The following PPP1R21 variants were observed in gnomAD, a reference collection of about 807,000 sequenced individuals.
PPP1R21 encodes KLRAQ motif containing 1.
PPP1R21 carries 85 observed loss-of-function variants against 112.8 expected under a neutral mutation model. That is an observed-to-expected ratio of 0.75 (90% CI 0.63 to 0.90). The LOEUF is 0.90. Among genes scored for constraint, PPP1R21 ranks in the 40% least tolerant of loss-of-function variants. PPP1R21 has a pLI of 0.00. For missense variants in PPP1R21, 1,199 were observed against 901.5 expected (o/e 1.33, Z -4.23); for synonymous variants, 381 against 322.3 (o/e 1.18, Z -1.95).
chr2:48,471,500 C>G (rs921415969), intron 11 of PPP1R21, 133 bp downstream of exon 11: 2 of 856,300 alleles, frequency 2.3e-6, no homozygotes, highest in Non-Finnish European at 3.5e-6. Context: ...TTTGGACTTC[C>G]GTGAAAAAGG....
At chr2:48,499,165 C>G (rs999827041) in intron 17 of PPP1R21, among the ~76,000 whole-genome samples, 8 of 151,962 alleles carry the variant, frequency 5.3e-5, no homozygotes, top group African/African-American at 1.7e-4. Context: ...GCCACAGTAA[C>G]CATCTTAATT....
chr2:48,473,462 G>A (rs917817392), intron 11 of PPP1R21, among the ~76,000 whole-genome samples: 1 of 152,092 alleles, frequency 6.6e-6, no homozygotes, highest in African/African-American at 2.4e-5. Flanking sequence ...ATTATGTTTT[G>A]TAAAACACTG....
At chr2:48,450,082 T>G (rs1404328240) in intron 1 of PPP1R21, among the ~76,000 whole-genome samples, 1 of 152,188 alleles carries the variant, frequency 6.6e-6, no homozygotes, top group Middle Eastern at 3.2e-3. Flanking sequence ...TAGCGTTATT[T>G]CTCAGTATTT....
intron 14 of PPP1R21, among the ~76,000 whole-genome samples, chr2:48,488,850 T>C (rs1669429805): frequency 6.6e-6 from 1 of 152,202 alleles, no homozygotes; most frequent in Non-Finnish European, 1.5e-5. Context: ...AGTAGGAAAG[T>C]GTAGTATATT....
chr2:48,502,050 T>G (rs1670142234), intron 17 of PPP1R21: 1 of 152,210 alleles, frequency 6.6e-6, no homozygotes, highest in Admixed American at 6.5e-5. Flanking sequence ...GAGTTGTTAA[T>G]GTCAGTTGCT....
In PPP1R21 at chr2:48,510,004, T is replaced by G. The variant is rs756732692; in HGVS notation, c.2086-11T>G. The G allele has an allele frequency of 1.9e-6, 3 of 1,576,540 alleles. No homozygotes were observed. Among genetic ancestry groups the G allele is most frequent in the African/African-American group, 2.7e-5 (2 of 73,416 alleles). ...CTCCCTCTAGTAATGGAATGTTTTC[T>G]GATTTTACAGTGCCGAGCACTGTCT... On this transcript the variant is annotated splice_polypyrimidine_tract_variant and intron_variant, in intron 19 of 21. Transcript: ENST00000294952.
rs757498706 is a variant in PPP1R21 at position 48,458,178 on chromosome 2, A to G, written c.326A>G (p.Asp109Gly). 1.7e-5 allele frequency: 27 copies of G among 1,612,618 alleles called. No homozygotes were observed. In the South Asian group the frequency reaches 2.3e-4, roughly 14 times the overall value. ...AGTCAAGAGCAGAAGAGTGTCTTTG[A>G]TGAAGATCTGCAAAAGAAGATAGAA... ...QLSQEQKSVF[D>G]EDLQKKIEEN... is the part of the protein sequence containing the mutation. Residue 109 changes from aspartate to glycine, a missense_variant, in exon 4 of 22, where the codon GAT becomes GGT. Asp to Gly is a moderately conservative substitution (Grantham distance 94). Coordinates refer to ENST00000294952, the MANE Select transcript of PPP1R21 (RefSeq NM_001135629.3).
chr2:48,470,979 T>G, intron 9 of PPP1R21, 108 bp from the exon 10 acceptor site: 1 of 746,886 alleles, frequency 1.3e-6, no homozygotes, highest in South Asian at 1.8e-5. Flanking sequence ...CAGTGAGCCA[T>G]TATCAGGTTT....
At chr2:48,514,162 T>A (rs948986584) in intron 21 of PPP1R21, among the ~76,000 whole-genome samples, 1 of 135,764 alleles carries the variant, frequency 7.4e-6, no homozygotes, top group Non-Finnish European at 1.5e-5. Context: ...CTTGGCTCAC[T>A]GCAAGCTCCG....
chr2:48,481,263 A>AGG (rs767560270), intron 13 of PPP1R21, among the ~76,000 whole-genome samples: 3 of 152,254 alleles, frequency 2.0e-5, no homozygotes, highest in Non-Finnish European at 4.4e-5. Flanking sequence ...TGCTGGGACT[A>AGG]CAGGCGTGAG....
At chr2:48,513,775 A>G (rs528547230) in intron 21 of PPP1R21, among the ~76,000 whole-genome samples, 225 of 152,302 alleles carry the variant, frequency 1.5e-3, no homozygotes, top group African/African-American at 5.1e-3. Flanking sequence ...CATTTCTTCC[A>G]TGAAGAAAAT....
chr2:48,485,894 AATATAT>A (rs1669265899), intron 13 of PPP1R21, among the ~76,000 whole-genome samples: 1 of 146,554 alleles, frequency 6.8e-6, no homozygotes, highest in Non-Finnish European at 1.5e-5. Flanking sequence ...TATACTAACT[AATATAT>A]ACAATTGTAT....
At chr2:48,495,545 TAAAG>T in intron 15 of PPP1R21, 130 bp from the exon 16 acceptor site, 2 of 594,570 alleles carry the variant, frequency 3.4e-6, no homozygotes. Context: ...TCACGTGTAT[TAAAG>T]AAAATAGTCT....
intron 3 of PPP1R21, among the ~76,000 whole-genome samples, chr2:48,456,210 T>C (rs1558430777): frequency 6.6e-6 from 1 of 151,954 alleles, no homozygotes; most frequent in Non-Finnish European, 1.5e-5. Flanking sequence ...CTAAGGTGGA[T>C]AATCTGGTAC....
At chr2:48,474,467 C>T (rs1162047138) in intron 11 of PPP1R21, among the ~76,000 whole-genome samples, 2 of 152,162 alleles carry the variant, frequency 1.3e-5, no homozygotes, top group Non-Finnish European at 2.9e-5. Flanking sequence ...ATGCCTTTAT[C>T]TGTTATTCCA....
Position 48,498,581 on chromosome 2 carries a change from A to G in PPP1R21, c.1781A>G (p.Glu594Gly). ...LEAQLAKIKL[E>G]KENQRIADKL... ...GCACAATTAGCCAAAATCAAGCTAG[A>G]GAAAGAAAACCAGCGAATTGCAGAT... Residue 594 changes from glutamate (E) to glycine (G), a missense_variant, in exon 17 of 22, where the codon GAG (glutamate) becomes GGG (glycine). Coordinates refer to ENST00000294952, the MANE Select transcript of PPP1R21 (RefSeq NM_001135629.3). 6.2e-7 allele frequency: 1 copy of G among 1,614,238 alleles called. No homozygotes were observed. The highest frequency in any genetic ancestry group is 8.5e-7 in the Non-Finnish European group (1 of 1,180,040).
At chr2:48,450,009 A>G (rs553082732) in intron 1 of PPP1R21, among the ~76,000 whole-genome samples, 1 of 152,222 alleles carries the variant, frequency 6.6e-6, no homozygotes, top group Non-Finnish European at 1.5e-5. Context: ...GGTTATATAG[A>G]TGTATACATA....
intron 17 of PPP1R21, among the ~76,000 whole-genome samples, chr2:48,501,609 C>A (rs983854226): frequency 1.3e-5 from 2 of 152,140 alleles, no homozygotes; most frequent in African/African-American, 4.8e-5. Context: ...ACCAAGATGG[C>A]CTTGTGTCTG....
intron 1 of PPP1R21, among the ~76,000 whole-genome samples, chr2:48,447,418 A>C (rs898403014): frequency 2.0e-5 from 3 of 152,204 alleles, no homozygotes; most frequent in African/African-American, 7.2e-5. Context: ...GGAACAGAAG[A>C]GCTTGGTGCA....
Sources: allele counts gnomAD v4.1 joint callset (sites outside exome capture counted in the v4.1 genomes callset), GRCh38; gene constraint gnomAD v4.1.1; transcripts MANE v1.5; gene names NCBI Gene and HGNC (gene_info 2026-07-23, HGNC 2026-07-21).